Variants in PRDM6 observed in about 807,000 individuals in gnomAD.
PRDM6 encodes the protein putative histone-lysine N-methyltransferase PRDM6.
PRDM6 carries 25 observed loss-of-function variants against 60.8 expected under a neutral mutation model. The observed-to-expected ratio is 0.41, with a 90% CI of 0.30 to 0.57. The LOEUF (loss-of-function observed/expected upper bound fraction) is 0.57. Ranked by LOEUF, PRDM6 falls within the 20% of genes least tolerant of loss-of-function variation. PRDM6 has a pLI of 0.27. For synonymous variants in PRDM6, 407 were observed against 357.4 expected (o/e 1.14, Z -1.57); for missense variants, 839 against 821.3 (o/e 1.02, Z -0.26).
chr5:123,124,507 G>T (rs1764650962), intron 3 of PRDM6, among the ~76,000 whole-genome samples: 1 of 152,190 alleles, frequency 6.6e-6, no homozygotes, highest in African/African-American at 2.4e-5. Context: ...TGTTATTTCA[G>T]ACAATAGCCC....
chr5:123,180,639 T>A (rs887733239), intron 7 of PRDM6, among the ~76,000 whole-genome samples: 11 of 152,224 alleles, frequency 7.2e-5, no homozygotes, highest in African/African-American at 2.7e-4. Context: ...TGATGATCTG[T>A]GCTTCTGGAA....
rs1766477865 is a variant in PRDM6 at position 123,193,939 on chromosome 5, C to CGTTT, written c.*6738_*6739insGTTT. On this transcript the variant is annotated 3_prime_UTR_variant, in exon 8 of 8. Transcript: ENST00000407847. The stretch of plus-strand genomic sequence containing the variant: ...CCTTTTGGAGTTTGGAAAGCTTAAA[C>CGTTT]AAGTCAGTTAAGAGAATGAGAAGAA... 1 of 152,120 alleles carries CGTTT rather than the reference C, an allele frequency of 6.6e-6. No individual in the cohort carries two copies. 9.4% of individuals were successfully genotyped at this position (152,120 alleles called of 1,614,324 possible).
intron 7 of PRDM6, among the ~76,000 whole-genome samples, chr5:123,185,883 T>G (rs767456483): frequency 3.3e-5 from 5 of 152,186 alleles, no homozygotes; most frequent in African/African-American, 4.8e-5. Context: ...CTTTCTTGTC[T>G]GTGATAAGGC....
In PRDM6 at chr5:123,191,085, G is replaced by A. The variant is rs1033803255; in HGVS notation, c.*3884G>A. 10 of 152,120 alleles carry A rather than the reference G, an allele frequency of 6.6e-5. No homozygotes were observed. Among genetic ancestry groups the A allele is most frequent in the African/African-American group, 2.4e-4 (10 of 41,410 alleles). 9.4% of individuals were successfully genotyped at this position (152,120 alleles called of 1,614,324 possible). A position where few individuals can be genotyped will look rare whatever the true frequency, so the allele number is the denominator to read the frequency against. ...GACCAGGATTAGGGCCTGGGTCTTG[G>A]GTTTTTATGACCCCCCCTTTCAATG... is the stretch of plus-strand genomic sequence containing the variant. On this transcript the variant is annotated 3_prime_UTR_variant, in exon 8 of 8. Transcript: ENST00000407847.
chr5:123,143,502 G>A (rs1416620823), intron 3 of PRDM6, among the ~76,000 whole-genome samples: 1 of 152,112 alleles, frequency 6.6e-6, no homozygotes, highest in Non-Finnish European at 1.5e-5. Context: ...CAAAACAAAG[G>A]ATCGGCAAAC....
chr5:123,172,828 A>G (rs1366334428), intron 6 of PRDM6, among the ~76,000 whole-genome samples: 3 of 152,248 alleles, frequency 2.0e-5, no homozygotes, highest in Admixed American at 6.5e-5. Flanking sequence ...ATATAAAGCA[A>G]TGAAACTATT....
chr5:123,110,355 T>C (rs531888580), intron 3 of PRDM6, among the ~76,000 whole-genome samples: 2 of 150,544 alleles, frequency 1.3e-5, no homozygotes, highest in African/African-American at 4.9e-5. Flanking sequence ...ACCTCCCAGG[T>C]TCAAATGATT....
At chr5:123,185,813 T>C (rs937991163) in intron 7 of PRDM6, among the ~76,000 whole-genome samples, 4 of 152,202 alleles carry the variant, frequency 2.6e-5, no homozygotes, top group African/African-American at 9.7e-5. Context: ...ACAGGGCACT[T>C]AATATAATTT....
chr5:123,098,838 C>T (rs1254786761), intron 2 of PRDM6, among the ~76,000 whole-genome samples: 1 of 152,154 alleles, frequency 6.6e-6, no homozygotes, highest in Non-Finnish European at 1.5e-5. Flanking sequence ...CCACCCCGCC[C>T]CACCTGTCCC....
intron 3 of PRDM6, among the ~76,000 whole-genome samples, chr5:123,130,677 G>T (rs754154402): frequency 2.6e-4 from 40 of 151,300 alleles, no homozygotes; most frequent in Admixed American, 8.6e-4. Flanking sequence ...TGATTCTTCT[G>T]CCTCAGCCTC....
chr5:123,191,723 A>G lies in PRDM6; in HGVS notation c.*4522A>G, dbSNP rs1301647197. 6.6e-6 allele frequency: 1 copy of G among 152,144 alleles called. No homozygotes were observed. The allele number at this position is 152,144 out of a possible 1,614,324, so 9.4% of individuals were successfully genotyped here. A position where few individuals can be genotyped will look rare whatever the true frequency, so the allele number is the denominator to read the frequency against. ...AGTTTAAAGTTCTCCCCTCACTAGC[A>G]TTTATCTGAACTACCACAAAACAAC... On this transcript the variant is annotated 3_prime_UTR_variant, in exon 8 of 8. Coordinates refer to ENST00000407847, the MANE Select transcript of PRDM6 (RefSeq NM_001136239.4).
chr5:123,166,351 T>A (rs533151601), intron 5 of PRDM6, among the ~76,000 whole-genome samples: 21 of 152,216 alleles, frequency 1.4e-4, no homozygotes, highest in Admixed American at 2.6e-4. Context: ...GAACCCAGAT[T>A]CTCTGATTTA....
At chr5:123,155,515 G>A (rs951496108) in intron 3 of PRDM6, among the ~76,000 whole-genome samples, 8 of 152,020 alleles carry the variant, frequency 5.3e-5, no homozygotes, top group African/African-American at 1.7e-4. Context: ...GGCCTCGAAT[G>A]TGGATGTTCC....
chr5:123,100,356 A>C (rs1764073786), intron 3 of PRDM6, among the ~76,000 whole-genome samples: 1 of 152,146 alleles, frequency 6.6e-6, no homozygotes, highest in Non-Finnish European at 1.5e-5. Flanking sequence ...GAGCTGGGTG[A>C]CCTTTATGTC....
In PRDM6 at chr5:123,180,168, C is replaced by T; in HGVS notation, c.1518C>T (p.Cys506=). 6.4e-7 allele frequency: 1 copy of T among 1,550,874 alleles called. No homozygotes were observed. The highest frequency in any genetic ancestry group is 8.7e-7 in the Non-Finnish European group (1 of 1,146,180). ...TCAGACCCTACCAATGCGGCCACTGCTCCCAGTCCTTTTCCCAGCCTTCAG... is the reference window on the plus strand; with the variant it reads ...TCAGACCCTACCAATGCGGCCACTGTTCCCAGTCCTTTTCCCAGCCTTCAG... The part of the protein sequence containing the change: ...NPDRPYQCGH[C]SQSFSQPSEL... The change falls in exon 7 of 8, where the codon TGC becomes TGT. Residue 506 remains cysteine, a synonymous_variant. Transcript: ENST00000407847.
intron 2 of PRDM6, among the ~76,000 whole-genome samples, chr5:123,098,475 G>A (rs917955978): frequency 1.3e-5 from 2 of 152,242 alleles, no homozygotes; most frequent in African/African-American, 4.8e-5. Context: ...ATAACCCGGA[G>A]GGCGCTGCGA....
intron 3 of PRDM6, among the ~76,000 whole-genome samples, chr5:123,151,643 G>C (rs1765371990): frequency 6.6e-6 from 1 of 152,156 alleles, no homozygotes; most frequent in Non-Finnish European, 1.5e-5. Context: ...TTCCAAATCT[G>C]ATTTTCCTGG....
chr5:123,129,144 C>G (rs1372006081), intron 3 of PRDM6, among the ~76,000 whole-genome samples: 1 of 152,146 alleles, frequency 6.6e-6, no homozygotes, highest in African/African-American at 2.4e-5. Flanking sequence ...GGTACCAGTA[C>G]CATGCTGATT....
At chr5:123,182,834 T>G (rs1006645002) in intron 7 of PRDM6, among the ~76,000 whole-genome samples, 23 of 152,340 alleles carry the variant, frequency 1.5e-4, no homozygotes, top group African/African-American at 4.6e-4. Context: ...TTATTTTAAT[T>G]TATCAAATAG....
Sources: gnomAD v4.1 joint callset for allele counts (sites outside exome capture counted in the v4.1 genomes callset) on GRCh38, gnomAD v4.1.1 for gene constraint, MANE v1.5 for transcripts, NCBI Gene and HGNC (gene_info 2026-07-23, HGNC 2026-07-21) for gene names.